ABCA13: variants seen among roughly 807,000 people sequenced by gnomAD.
The protein encoded by ABCA13 is ATP-binding cassette sub-family A member 13.
A neutral mutation model predicts 478.7 loss-of-function variants in ABCA13; 476 were observed. That is an observed-to-expected ratio of 0.99 (90% CI 0.92 to 1.07). The LOEUF (loss-of-function observed/expected upper bound fraction) is 1.07, where lower values mean the gene tolerates loss of function less well. Ranked by LOEUF, ABCA13 falls within the 50% of genes least tolerant of loss-of-function variation. The pLI is 0.00. For synonymous variants in ABCA13, 2,252 were observed against 2,158.9 expected (o/e 1.04, Z -1.20); for missense variants, 6,060 against 5,910.6 (o/e 1.03, Z -0.83).
intron 10 of ABCA13, among the ~76,000 whole-genome samples, chr7:48,243,825 T>G (rs1791255862): frequency 6.6e-6 from 1 of 152,222 alleles, no homozygotes; most frequent in South Asian, 2.1e-4. Context: ...TACATCTCTT[T>G]CTGCTTTTCT....
Position 48,248,258 on chromosome 7 carries a change from T to A in ABCA13, c.1679T>A (p.Val560Asp). The change falls in exon 14 of 62, where the codon GTC becomes GAC. Residue 560 changes from valine (V) to aspartate (D), a missense_variant. Physicochemically the swap from Val to Asp is radical, Grantham distance 152. This residue lies in a region of ABCA13 where 4,423 missense variants were observed against 4,309.1 expected (regional missense o/e 1.03). Coordinates refer to ENST00000435803, the MANE Select transcript of ABCA13 (RefSeq NM_152701.5). ...VEDADRILQE[V>D]ITWHKNMSVL... ...GTTAAGGATCGTATTTTGCAAGAGG[T>A]CATTACTTGGCACAAAAATATGTCA... is the stretch of plus-strand genomic sequence containing the variant. The A allele has an allele frequency of 1.9e-6, 3 of 1,613,506 alleles. No individual in the cohort carries two copies. Among genetic ancestry groups the A allele is most frequent in the Non-Finnish European group, 1.7e-6 (2 of 1,179,626 alleles).
intron 58 of ABCA13, among the ~76,000 whole-genome samples, chr7:48,614,543 C>A (rs1356190641): frequency 6.6e-6 from 1 of 150,732 alleles, no homozygotes; most frequent in Non-Finnish European, 1.5e-5. Flanking sequence ...GGGTATATAC[C>A]CAAAGGACTA....
intron 58 of ABCA13, among the ~76,000 whole-genome samples, chr7:48,597,243 C>T (rs1460432135): frequency 1.3e-5 from 2 of 152,208 alleles, no homozygotes; most frequent in South Asian, 2.1e-4. Flanking sequence ...AGCCACCATG[C>T]CCGGCCTATG....
In ABCA13 at chr7:48,278,930, T is replaced by C; in HGVS notation, c.7736T>C (p.Ile2579Thr). The C allele has an allele frequency of 1.2e-6, 2 of 1,613,332 alleles. No homozygotes were observed. The highest frequency in any genetic ancestry group is 1.7e-6 in the Non-Finnish European group (2 of 1,179,818). ...LVKEIATLKKIDHFTFEKIND... is the reference protein window; with the variant it reads ...LVKEIATLKKTDHFTFEKIND... ...AAAGAAATAGCTACTTTAAAAAAAA[T>C]AGATCATTTCACATTTGAAAAGATA... Residue 2579 changes from isoleucine (I) to threonine (T), a missense_variant, in exon 18 of 62, where the codon ATA becomes ACA. Around this residue, in one of 3 missense-constraint regions of ABCA13, gnomAD observed 4,423 missense variants for 4,309.1 expected, o/e 1.03. Transcript: ENST00000435803.
At chr7:48,617,901 A>T (rs1792746661) in intron 59 of ABCA13, among the ~76,000 whole-genome samples, 1 of 152,166 alleles carries the variant, frequency 6.6e-6, no homozygotes, top group Non-Finnish European at 1.5e-5. Flanking sequence ...AGAAATATAG[A>T]GGGAAGAATG....
intron 58 of ABCA13, among the ~76,000 whole-genome samples, chr7:48,595,320 A>T (rs946451759): frequency 1.3e-5 from 2 of 152,254 alleles, no homozygotes; most frequent in African/African-American, 2.4e-5. Context: ...GTTCTAGCCC[A>T]CAAAGAATTA....
chr7:48,586,089 C>T (rs1399453985), intron 56 of ABCA13, among the ~76,000 whole-genome samples: 1 of 152,072 alleles, frequency 6.6e-6, no homozygotes, highest in Non-Finnish European at 1.5e-5. Context: ...TGGGCTGGGC[C>T]TTCTAGGATG....
intron 59 of ABCA13, among the ~76,000 whole-genome samples, chr7:48,619,207 C>G (rs1322120038): frequency 6.6e-6 from 1 of 152,112 alleles, no homozygotes; most frequent in African/African-American, 2.4e-5. Flanking sequence ...AGTGAATTTC[C>G]AAACACTTTG....
chr7:48,582,270 C>A (rs6583453), intron 56 of ABCA13, among the ~76,000 whole-genome samples: 1 of 152,072 alleles, frequency 6.6e-6, no homozygotes, highest in African/African-American at 2.4e-5. Flanking sequence ...TTTATTCAGG[C>A]TGTTAGTTGT....
At position 48,313,171 on chromosome 7, in the gene ABCA13, T is replaced by C; in HGVS notation, c.9621T>C (p.Leu3207=). The part of the protein sequence containing the change: ...LAKAQHVFEY[L]PEFLHTFKIT... The stretch of plus-strand genomic sequence containing the variant: ...AAGCCCAGCACGTCTTTGAGTATCT[T>C]CCTGAGTTTCTTCACACATTTAAAA... Residue 3207 remains leucine (L), a synonymous_variant, in exon 25 of 62, where the codon CTT becomes CTC. Coordinates refer to ENST00000435803, the MANE Select transcript of ABCA13 (RefSeq NM_152701.5). 6.2e-7 allele frequency: 1 copy of C among 1,612,996 alleles called. No individual in the cohort carries two copies. Among genetic ancestry groups the C allele is most frequent in the Non-Finnish European group, 8.5e-7 (1 of 1,179,424 alleles).
Position 48,507,969 on chromosome 7 carries a change from G to A in ABCA13, c.13444G>A (p.Val4482Met). ...SIGSSVVRDR[V>M]IGAKRLQHIS... ...CGGCAGCTCTGTGGTGAGGGACAGGGTGATTGGAGCCAAAAGGTTGCAGCA... is the reference window on the plus strand; with the variant it reads ...CGGCAGCTCTGTGGTGAGGGACAGGATGATTGGAGCCAAAAGGTTGCAGCA... Residue 4482 changes from valine to methionine, a missense_variant, in exon 50 of 62, where the codon GTG becomes ATG. Transcript: ENST00000435803. 1 of 1,613,838 alleles carries A rather than the reference G, an allele frequency of 6.2e-7. No homozygotes were observed. The highest frequency in any genetic ancestry group is 8.5e-7 in the Non-Finnish European group (1 of 1,179,848).
At chr7:48,517,024 A>G in intron 52 of ABCA13, 143 bp downstream of exon 52, 1 of 963,278 alleles carries the variant, frequency 1.0e-6, no homozygotes, top group Non-Finnish European at 1.5e-6. Flanking sequence ...CCAGAGAGAT[A>G]AATGGATTCT....
In ABCA13 at chr7:48,372,267, G is replaced by A. The variant is rs570952854; in HGVS notation, c.10903G>A (p.Val3635Ile). ...LTISSATLAI[V>I]LKTSGIFAHS... ...CATAAGCAGTGCTACTCTGGCCATC[G>A]TTCTGAAAACAAGTGGCATCTTTGC... Residue 3635 changes from valine (V) to isoleucine (I), a missense_variant, in exon 33 of 62, where the codon GTT (valine) becomes ATT (isoleucine). By Grantham distance (29) the Val-to-Ile change is conservative. Around this residue, in one of 3 missense-constraint regions of ABCA13, gnomAD observed 4,423 missense variants for 4,309.1 expected, o/e 1.03. Coordinates refer to ENST00000435803, the MANE Select transcript of ABCA13 (RefSeq NM_152701.5). 22 of 1,613,916 alleles carry A rather than the reference G, an allele frequency of 1.4e-5. No homozygotes were observed. Among genetic ancestry groups the A allele is most frequent in the South Asian group, 3.3e-5 (3 of 91,076 alleles).
Position 48,222,104 on chromosome 7 carries a change from G to A in ABCA13, c.468+795G>A, listed in dbSNP as rs566621780. Among the ~76,000 whole-genome samples the A allele has an allele frequency of 4.9e-4, 74 of 152,310 alleles. 2 individuals carry two copies. The South Asian group carries it at 0.015, about 30-fold the overall frequency. On this transcript the variant is annotated intron_variant, in intron 5 of 61. Coordinates refer to ENST00000435803, the MANE Select transcript of ABCA13 (RefSeq NM_152701.5). ...GAGAAAAGTAAAAGAATAGGGGCCA[G>A]CTAATGGATTGGAATGAAGCAAGAA...
At chr7:48,512,492 A>G (rs1831774278) in intron 51 of ABCA13, among the ~76,000 whole-genome samples, 1 of 152,212 alleles carries the variant, frequency 6.6e-6, no homozygotes, top group Non-Finnish European at 1.5e-5. Context: ...ATAAAGATCT[A>G]TGTGTGTGTA....
chr7:48,365,610 G>A (rs1006414879), intron 31 of ABCA13, among the ~76,000 whole-genome samples: 1 of 152,124 alleles, frequency 6.6e-6, no homozygotes, highest in African/African-American at 2.4e-5. Context: ...AAGAGATAAG[G>A]CTCTAGTTTC....
chr7:48,239,406 G>A lies in ABCA13; in HGVS notation c.1062+1G>A, dbSNP rs1361425845. On this transcript the variant is annotated splice_donor_variant, in intron 9 of 61. Transcript: ENST00000435803. LOFTEE classifies it high-confidence loss of function. ...CAGCTGGCTGCGAGTCTACCAACAG[G>A]TGCTGTCCCCTCTCTCTATGTTCTG... 4 of 1,610,814 alleles carry A rather than the reference G, an allele frequency of 2.5e-6. No individual in the cohort carries two copies. The South Asian group carries it at 3.3e-5, about 13-fold the overall frequency.
At chr7:48,262,946 T>C (rs900615766) in intron 15 of ABCA13, among the ~76,000 whole-genome samples, 1 of 151,982 alleles carries the variant, frequency 6.6e-6, no homozygotes, top group Non-Finnish European at 1.5e-5. Context: ...GAATGTATCA[T>C]AAAAATTTTT....
intron 58 of ABCA13, among the ~76,000 whole-genome samples, chr7:48,607,780 T>C (rs754494087): frequency 7.9e-5 from 12 of 152,174 alleles, no homozygotes; most frequent in Non-Finnish European, 1.8e-4. Flanking sequence ...TTGTAAAAAG[T>C]TTATTTGTTT....
Sources: gnomAD v4.1 joint callset for allele counts (sites outside exome capture counted in the v4.1 genomes callset) on GRCh38, gnomAD v4.1.1 for gene constraint, gnomAD v4.1.1 regional missense constraint, MANE v1.5 for transcripts, NCBI Gene and HGNC (gene_info 2026-07-23, HGNC 2026-07-21) for gene names.